ZNF592: variants seen among roughly 807,000 people sequenced by gnomAD.
ZNF592 encodes spinocerebellar ataxia, autosomal recessive 5.
ZNF592 carries 11 observed loss-of-function variants against 80.3 expected under a neutral mutation model. The observed-to-expected ratio is 0.14, with a 90% CI of 0.09 to 0.23. The LOEUF is 0.23. Among genes scored for constraint, ZNF592 ranks in the 10% least tolerant of loss-of-function variants. ZNF592 has a pLI of 1.00. For missense variants in ZNF592, 1,420 were observed against 1,633.9 expected (o/e 0.87, Z 2.26); for synonymous variants, 646 against 640.3 (o/e 1.01, Z -0.13).
intron 5 of ZNF592, among the ~76,000 whole-genome samples, chr15:84,796,416 C>T (rs1962923352): frequency 6.6e-6 from 1 of 150,796 alleles, no homozygotes; most frequent in African/African-American, 2.4e-5. Flanking sequence ...TGAGGGCAGA[C>T]AGTATTGCAA....
At chr15:84,759,679 G>A (rs565934474) in intron 1 of ZNF592, among the ~76,000 whole-genome samples, 1 of 152,314 alleles carries the variant, frequency 6.6e-6, no homozygotes, top group South Asian at 2.1e-4. Context: ...AGTCAACTGA[G>A]AGAAAGACTG....
At chr15:84,781,287 A>C (rs1962415660) in intron 3 of ZNF592, among the ~76,000 whole-genome samples, 1 of 152,126 alleles carries the variant, frequency 6.6e-6, no homozygotes, top group Non-Finnish European at 1.5e-5. Context: ...ACCTCAAGCT[A>C]TCCACTCACC....
intron 2 of ZNF592, among the ~76,000 whole-genome samples, chr15:84,777,790 C>A (rs1041863999): frequency 2.0e-5 from 3 of 150,536 alleles, no homozygotes; most frequent in African/African-American, 4.9e-5. Flanking sequence ...CGCTCCGCCT[C>A]CCGGGTTTAC....
rs1281289005 is a variant in ZNF592, at chr15:84,778,291, A to G, written c.-41A>G. 5.7e-5 allele frequency: 16 copies of G among 280,068 alleles called. No homozygotes were observed. The highest frequency in any genetic ancestry group is 2.2e-4 in the South Asian group (7 of 31,956). The allele number at this position is 280,068 out of a possible 1,614,324, so 17.3% of individuals were successfully genotyped here. A position where few individuals can be genotyped will look rare whatever the true frequency, so the allele number is the denominator to read the frequency against. ...TCCAAAGCCGAAAGAGGAGGTCCCTACCTGCCACGGATACCAGTCAGGTAC... is the reference window on the plus strand; with the variant it reads ...TCCAAAGCCGAAAGAGGAGGTCCCTGCCTGCCACGGATACCAGTCAGGTAC... On this transcript the variant is annotated 5_prime_UTR_variant, in exon 3 of 11. Coordinates refer to ENST00000560079, the MANE Select transcript of ZNF592 (RefSeq NM_014630.3).
chr15:84,778,886 A>G (rs1285347557), intron 3 of ZNF592, among the ~76,000 whole-genome samples: 1 of 152,162 alleles, frequency 6.6e-6, no homozygotes, highest in Admixed American at 6.5e-5. Flanking sequence ...CAGTCTGATG[A>G]TTGAATTTCT....
chr15:84,760,306 T>C (rs765661156), intron 1 of ZNF592, among the ~76,000 whole-genome samples: 1 of 152,206 alleles, frequency 6.6e-6, no homozygotes, highest in Non-Finnish European at 1.5e-5. Context: ...GGCCTTTCTC[T>C]TCCTTCTTGT....
intron 10 of ZNF592, among the ~76,000 whole-genome samples, chr15:84,800,400 G>C (rs1373964995): frequency 6.6e-6 from 1 of 152,168 alleles, no homozygotes; most frequent in Admixed American, 6.5e-5. Flanking sequence ...GCCAGGCCTA[G>C]AACCTTCTAT....
chr15:84,783,941 A>G lies in ZNF592; in HGVS notation c.1266A>G (p.Pro422=). Residue 422 remains proline (P), a synonymous_variant, in exon 4 of 11, where the codon CCA becomes CCG. Coordinates refer to ENST00000560079, the MANE Select transcript of ZNF592 (RefSeq NM_014630.3). This position sits in a 1 kb window ranked among gnomAD's most constrained non-coding sequence, Gnocchi z 5.0. The stretch of plus-strand genomic sequence containing the variant: ...TTGCAGAGGCCCCCAGCGAGATGCC[A>G]GGGGATGAGGTGCCTGTGGAAGAGC... ...SAIAEAPSEM[P]GDEVPVEEHF... 1 of 1,613,948 alleles carries G rather than the reference A, an allele frequency of 6.2e-7. No individual in the cohort carries two copies. The highest frequency in any genetic ancestry group is 8.5e-7 in the Non-Finnish European group (1 of 1,179,824).
Position 84,784,811 on chromosome 15 carries a change from G to A in ZNF592, c.2136G>A (p.Lys712=). The A allele has an allele frequency of 6.2e-7, 1 of 1,614,098 alleles. No individual in the cohort carries two copies. The highest frequency in any genetic ancestry group is 8.5e-7 in the Non-Finnish European group (1 of 1,180,038). Residue 712 remains lysine, a synonymous_variant, in exon 4 of 11, where the codon AAG becomes AAA. Coordinates refer to ENST00000560079, the MANE Select transcript of ZNF592 (RefSeq NM_014630.3). This position sits in a 1 kb window ranked among gnomAD's most constrained non-coding sequence, Gnocchi z 5.8. Reference sequence around the variant, plus strand: ...TGAGGCTCATCCGGTACTCAATCAAGTGTCTTGAATGTCACAAGCAGATGC... The same window carrying A: ...TGAGGCTCATCCGGTACTCAATCAAATGTCTTGAATGTCACAAGCAGATGC... The part of the protein sequence containing the change: ...DPVRLIRYSI[K]CLECHKQMRD...
chr15:84,787,092 T>C (rs1015194281), intron 4 of ZNF592, among the ~76,000 whole-genome samples: 1 of 152,072 alleles, frequency 6.6e-6, no homozygotes, highest in Non-Finnish European at 1.5e-5. Context: ...CCTCAAGTGA[T>C]CCACCTGCCT....
At chr15:84,800,152 A>C (rs1365130235) in intron 10 of ZNF592, among the ~76,000 whole-genome samples, 175 bp downstream of exon 10, 1 of 152,192 alleles carries the variant, frequency 6.6e-6, no homozygotes, top group Admixed American at 6.5e-5. Context: ...AGTAGGGGAT[A>C]AGGACAAAGA....
chr15:84,796,221 CAAAAAA>C lies in ZNF592; in HGVS notation c.2400-1634_2400-1629del, dbSNP rs753718341. Among the ~76,000 whole-genome samples, 26 of 25,428 alleles carry C rather than the reference CAAAAAA, an allele frequency of 1.0e-3. 1 individual carries two copies. The highest frequency in any genetic ancestry group is 3.0e-3 in the African/African-American group (22 of 7,236). 16.7% of individuals were successfully genotyped at this position (25,428 alleles called of 152,430 possible). Reference sequence around the variant, plus strand: ...TGGGTGACAAAGCAAGACTCTGTCTCAAAAAAAAAAAAAAAAAAATATATATATATA... The same window carrying C: ...TGGGTGACAAAGCAAGACTCTGTCTCAAAAAAAAAAAAATATATATATATA... On this transcript the variant is annotated intron_variant, in intron 5 of 10. Coordinates refer to ENST00000560079, the MANE Select transcript of ZNF592 (RefSeq NM_014630.3).
chr15:84,798,025 C>T lies in ZNF592; in HGVS notation c.2556C>T (p.Thr852=). The T allele has an allele frequency of 1.9e-6, 3 of 1,614,006 alleles. No individual in the cohort carries two copies. The highest frequency in any genetic ancestry group is 2.2e-5 in the South Asian group (2 of 91,084). ...ACCACAGTGCCACCCAGCACCCCAC[C>T]CAGCCCCACAGACCCTCCCAGTGAG... The part of the protein sequence containing the change: ...TADHSATQHP[T]QPHRPSQLIY... Residue 852 remains threonine, a synonymous_variant, in exon 6 of 11, where the codon ACC becomes ACT. Coordinates refer to ENST00000560079, the MANE Select transcript of ZNF592 (RefSeq NM_014630.3). The surrounding 1 kb of genome is among the most constrained non-coding windows in gnomAD (Gnocchi z 4.5).
At chr15:84,800,645 G>T (rs1281621262) in intron 10 of ZNF592, among the ~76,000 whole-genome samples, 3 of 152,220 alleles carry the variant, frequency 2.0e-5, no homozygotes, top group Non-Finnish European at 4.4e-5. Context: ...AGTTGGCAAA[G>T]CACCTTTCAT....
At chr15:84,785,141 C>G (rs1962554209) in intron 4 of ZNF592, among the ~76,000 whole-genome samples, 1 of 152,176 alleles carries the variant, frequency 6.6e-6, no homozygotes, top group Non-Finnish European at 1.5e-5. Flanking sequence ...TCAACTTCCC[C>G]TCAAAGGGTC....
At chr15:84,767,080 C>T (rs955421301) in intron 2 of ZNF592, among the ~76,000 whole-genome samples, 4 of 152,114 alleles carry the variant, frequency 2.6e-5, no homozygotes, top group East Asian at 1.9e-4. Flanking sequence ...CTACAGCCTT[C>T]GCCTCTGGGG....
chr15:84,768,226 CTTTCTTTT>C (rs1899590534), intron 2 of ZNF592, among the ~76,000 whole-genome samples: 4 of 138,366 alleles, frequency 2.9e-5, no homozygotes, highest in Non-Finnish European at 6.2e-5. Context: ...TTCTTTCTTT[CTTTCTTTT>C]TTTTTTTTTT....
intron 5 of ZNF592, among the ~76,000 whole-genome samples, chr15:84,791,941 C>G (rs1187416287): frequency 6.6e-6 from 1 of 152,186 alleles, no homozygotes; most frequent in African/African-American, 2.4e-5. Context: ...CATGCAAGAC[C>G]TTGTATTTCT....
intron 5 of ZNF592, among the ~76,000 whole-genome samples, chr15:84,795,542 C>G (rs1962870447): frequency 6.6e-6 from 1 of 152,204 alleles, no homozygotes; most frequent in South Asian, 2.1e-4. Context: ...ACTATTTCTG[C>G]AGGAGTTTGG....
Sources: gnomAD v4.1 joint callset for allele counts (sites outside exome capture counted in the v4.1 genomes callset) on GRCh38, gnomAD v4.1.1 for gene constraint, Gnocchi (gnomAD v3.1) non-coding constraint, MANE v1.5 for transcripts, NCBI Gene and HGNC (gene_info 2026-07-23, HGNC 2026-07-21) for gene names.